COL4A5: variants seen among roughly 807,000 people sequenced by gnomAD.
COL4A5 encodes collagen alpha-5(IV) chain.
A neutral mutation model predicts 130.2 loss-of-function variants in COL4A5; 26 were observed. The observed-to-expected ratio is 0.20, with a 90% CI of 0.15 to 0.28. The LOEUF (loss-of-function observed/expected upper bound fraction) is 0.28. COL4A5 is among the 10% of genes least tolerant of loss of function. The probability of loss-of-function intolerance (pLI) is 1.00; values close to 1 mark genes in which losing one functional copy is unlikely to be tolerated. For synonymous variants in COL4A5, 496 were observed against 439.6 expected, an observed-to-expected ratio of 1.13 and a Z score of -1.60; for missense variants, 1,131 against 1,344.3, an observed-to-expected ratio of 0.84 and a Z score of 2.48.
At chrX:108,557,638 A>G (rs1225847183) in intron 2 of COL4A5, among the ~76,000 whole-genome samples, 1 of 105,144 alleles carries the variant, frequency 9.5e-6, no homozygotes, top group Admixed American at 9.8e-5. Flanking sequence ...TAGTACTTAC[A>G]AAACACACAC....
chrX:108,633,997 A>G (rs747628469), intron 36 of COL4A5, among the ~76,000 whole-genome samples: 22 of 111,498 alleles, frequency 2.0e-4, no homozygotes, highest in African/African-American at 6.5e-4. Flanking sequence ...ATAAATCATC[A>G]TCTAAATAAG....
At chrX:108,578,466 A>G in intron 13 of COL4A5, 83 bp downstream of exon 13, 1 of 659,658 alleles carries the variant, frequency 1.5e-6, no homozygotes, top group Admixed American at 2.3e-5. Context: ...ATCACAATGT[A>G]TATGTATATC....
intron 42 of COL4A5, chrX:108,670,653 A>G (rs2068183624): frequency 3.0e-6 from 1 of 330,294 alleles, no homozygotes; most frequent in African/African-American, 2.7e-5. Flanking sequence ...GAAAATATGT[A>G]ATTCTTAACT....
At chrX:108,543,422 G>T (rs1418042470) in intron 2 of COL4A5, among the ~76,000 whole-genome samples, 1 of 111,388 alleles carries the variant, frequency 9.0e-6, no homozygotes, top group Non-Finnish European at 1.9e-5. Flanking sequence ...AGTTGTAGAT[G>T]TGTGGTATTA....
chrX:108,516,139 G>T (rs1394528781), intron 1 of COL4A5, among the ~76,000 whole-genome samples: 2 of 112,092 alleles, frequency 1.8e-5, no homozygotes, highest in East Asian at 5.6e-4. Flanking sequence ...GGAAATGGTT[G>T]ATCCACTTGG....
rs1275144283 is a variant in COL4A5 at position 108,473,909 on chromosome X, G to A, written c.81+33703G>A. Among the ~76,000 whole-genome samples the A allele has an allele frequency of 5.5e-5, 6 of 108,983 alleles. No individual in the cohort carries two copies. In the East Asian group the frequency reaches 1.7e-3, roughly 31 times the overall value. The allele number at this position is 108,983 out of a possible 115,157, so 94.6% of individuals were successfully genotyped here. On this transcript the variant is annotated intron_variant, in intron 1 of 52. Coordinates refer to ENST00000328300, the MANE Select transcript of COL4A5 (RefSeq NM_033380.3). ...TGCCTCCCAAAGTGCTGGGATTACAGGTGTGAGCCACTGTGCGCTGCCAAT... is the reference window on the plus strand; with the variant it reads ...TGCCTCCCAAAGTGCTGGGATTACAAGTGTGAGCCACTGTGCGCTGCCAAT...
intron 30 of COL4A5, among the ~76,000 whole-genome samples, chrX:108,617,833 G>GA (rs1007973612): frequency 1.1e-4 from 12 of 108,786 alleles, no homozygotes; most frequent in African/African-American, 3.7e-4. Context: ...AGCTAAAGAG[G>GA]AAAAAAAAAT....
At chrX:108,657,634 T>C (rs1465396292) in intron 37 of COL4A5, among the ~76,000 whole-genome samples, 1 of 111,487 alleles carries the variant, frequency 9.0e-6, no homozygotes, top group Non-Finnish European at 1.9e-5. Flanking sequence ...TCTCTCCATT[T>C]ATGTAGGTAT....
intron 33 of COL4A5, among the ~76,000 whole-genome samples, chrX:108,623,439 T>TA (rs369187460): frequency 0.33 from 32,488 of 99,862 alleles, 4,921 homozygotes; most frequent in Non-Finnish European, 0.45. Flanking sequence ...GGGTTTTCAA[T>TA]AAAAAAAAAA....
At chrX:108,664,392 C>T (rs2068031300) in intron 37 of COL4A5, among the ~76,000 whole-genome samples, 1 of 111,578 alleles carries the variant, frequency 9.0e-6, no homozygotes, top group African/African-American at 3.3e-5. Context: ...TTAATTCATA[C>T]ATTACATCAT....
Position 108,526,571 on chromosome X carries a change from TCCTC to T in COL4A5, c.82-13153_82-13150del, listed in dbSNP as rs200411598. ...TCCTTCCTTCCCTCCCTCCTTCCTTTCCTCCCTCCCTCCCTCCCTCCCTCCTTTC... is the reference window on the plus strand; with the variant it reads ...TCCTTCCTTCCCTCCCTCCTTCCTTTCCTCCCTCCCTCCCTCCCTCCTTTC... On this transcript the variant is annotated intron_variant, in intron 1 of 52. Transcript: ENST00000328300. Among the ~76,000 whole-genome samples the T allele has an allele frequency of 3.7e-3, 305 of 82,112 alleles. 3 individuals are homozygous for T. The highest frequency in any genetic ancestry group is 0.021 in the East Asian group (53 of 2,544). 71.3% of individuals were successfully genotyped at this position (82,112 alleles called of 115,157 possible). A position where few individuals can be genotyped will look rare whatever the true frequency, so the allele number is the denominator to read the frequency against.
chrX:108,506,679 C>T (rs2065127038), intron 1 of COL4A5, among the ~76,000 whole-genome samples: 1 of 111,334 alleles, frequency 9.0e-6, no homozygotes, highest in Non-Finnish European at 1.9e-5. Flanking sequence ...CACCACTCAC[C>T]TCCTGCTGTG....
At position 108,579,574 on chromosome X, in the gene COL4A5, G is replaced by A. The variant is rs149279915; in HGVS notation, c.781-959G>A. Among the ~76,000 whole-genome samples, 425 of 111,915 alleles carry A rather than the reference G, an allele frequency of 3.8e-3. 4 individuals are homozygous for A. The highest frequency in any genetic ancestry group is 0.013 in the African/African-American group (409 of 30,845). On this transcript the variant is annotated intron_variant, in intron 13 of 52. Transcript: ENST00000328300. ...AGATAATGTTACTCTATAAACCTTT[G>A]TTGTGTTTAGAAATAATTATCTGAT...
intron 10 of COL4A5, among the ~76,000 whole-genome samples, chrX:108,576,415 G>A (rs1173277577): frequency 9.0e-6 from 1 of 111,570 alleles, no homozygotes; most frequent in Non-Finnish European, 1.9e-5. Flanking sequence ...TTGGTGAGGG[G>A]AGTGATCACT....
intron 36 of COL4A5, among the ~76,000 whole-genome samples, chrX:108,644,424 A>G (rs1293961317): frequency 1.8e-5 from 2 of 111,899 alleles, no homozygotes; most frequent in African/African-American, 6.5e-5. Context: ...TCCAACAACC[A>G]CAGAATACAC....
chrX:108,668,811 A>G (rs1451915975), intron 41 of COL4A5, among the ~76,000 whole-genome samples: 1 of 111,786 alleles, frequency 8.9e-6, no homozygotes, highest in Non-Finnish European at 1.9e-5. Context: ...CTAAAAGGTA[A>G]AACTATACTG....
chrX:108,657,406 T>C (rs1369987982), intron 37 of COL4A5, among the ~76,000 whole-genome samples: 1 of 112,012 alleles, frequency 8.9e-6, no homozygotes, highest in African/African-American at 3.2e-5. Context: ...TGTAAATTTA[T>C]ATTAAGCCTT....
intron 2 of COL4A5, among the ~76,000 whole-genome samples, chrX:108,544,630 G>C (rs929229908): frequency 2.8e-4 from 30 of 108,131 alleles, no homozygotes; most frequent in Non-Finnish European, 4.7e-4. Context: ...CATAAAATGA[G>C]TTAGGGAGGA....
At chrX:108,440,773 T>C (rs950854217) in intron 1 of COL4A5, among the ~76,000 whole-genome samples, 1 of 112,121 alleles carries the variant, frequency 8.9e-6, no homozygotes, top group Non-Finnish European at 1.9e-5. Flanking sequence ...GACATCCTTG[T>C]TACAAATGAA....
Sources: allele counts gnomAD v4.1 joint callset (sites outside exome capture counted in the v4.1 genomes callset), GRCh38; gene constraint gnomAD v4.1.1; transcripts MANE v1.5; gene names NCBI Gene and HGNC (gene_info 2026-07-23, HGNC 2026-07-21).